LPAR1: variants seen among roughly 807,000 people sequenced by gnomAD.
LPAR1 encodes the protein lysophosphatidic acid receptor 1, also known as LPA receptor 1.
Under a neutral mutation model 23.8 loss-of-function variants are expected in LPAR1, and 5 were observed. The ratio of observed to expected loss-of-function variants is 0.21; its 90% confidence interval spans 0.11 to 0.44. The LOEUF is 0.44. LPAR1 is among the 20% of genes least tolerant of loss of function. The pLI is 0.99. For missense variants in LPAR1, 311 were observed against 482.8 expected (o/e 0.64, Z 3.33); for synonymous variants, 160 against 164.7 (o/e 0.97, Z 0.22).
intron 3 of LPAR1, among the ~76,000 whole-genome samples, chr9:110,972,738 G>A (rs928780337): frequency 6.6e-6 from 1 of 152,216 alleles, no homozygotes; most frequent in East Asian, 1.9e-4. Context: ...CCTGAGGTCA[G>A]GAGTTTGAGA....
At chr9:110,978,654 T>C (rs1280426842) in intron 2 of LPAR1, among the ~76,000 whole-genome samples, 1 of 152,180 alleles carries the variant, frequency 6.6e-6, no homozygotes, top group East Asian at 1.9e-4. Context: ...GAGCTGAAGC[T>C]TGTCTTCTTT....
chr9:111,009,998 AATATATATATATATATAT>A (rs55696642), intron 2 of LPAR1, among the ~76,000 whole-genome samples: 10,670 of 123,298 alleles, frequency 0.087, 877 homozygotes, highest in African/African-American at 0.2. Flanking sequence ...TAATTAGGAA[AATATATATATATATATAT>A]ATATATATAT....
At position 110,985,561 on chromosome 9, in the gene LPAR1, T is replaced by C. The variant is rs1011813391; in HGVS notation, c.-181-12003A>G. Among the ~76,000 whole-genome samples the C allele has an allele frequency of 7.2e-5, 11 of 152,064 alleles. No homozygotes were observed. In the East Asian group the frequency reaches 2.1e-3, roughly 29 times the overall value. ...TTACATGTATTTTATCAGGTCATGA[T>C]GGGCCAGGTCAGGTATTCTAGAAGC... On this transcript the variant is annotated intron_variant, in intron 2 of 5. Coordinates refer to ENST00000683809, the MANE Select transcript of LPAR1 (RefSeq NM_001351411.2).
At chr9:110,973,887 T>G (rs2096489778) in intron 2 of LPAR1, among the ~76,000 whole-genome samples, 1 of 152,224 alleles carries the variant, frequency 6.6e-6, no homozygotes, top group Non-Finnish European at 1.5e-5. Flanking sequence ...AAAGACGTTA[T>G]TGGCTGGGCA....
chr9:110,898,926 A>G (rs1254732886), intron 5 of LPAR1, among the ~76,000 whole-genome samples: 4 of 152,238 alleles, frequency 2.6e-5, no homozygotes, highest in Non-Finnish European at 4.4e-5. Context: ...AAAAAATGAG[A>G]TAATTCCTTG....
In LPAR1 at chr9:111,038,110, G is replaced by A. The variant is rs1222840494; in HGVS notation, c.-262+57C>T. 3 of 151,468 alleles carry A rather than the reference G, an allele frequency of 2.0e-5. No individual in the cohort carries two copies. The highest frequency in any genetic ancestry group is 6.6e-5 in the Admixed American group (1 of 15,220). 9.4% of individuals were successfully genotyped at this position (151,468 alleles called of 1,614,324 possible). A position where few individuals can be genotyped will look rare whatever the true frequency, so the allele number is the denominator to read the frequency against. On this transcript the variant is annotated intron_variant, in intron 1 of 5. Transcript: ENST00000683809. This position sits in a 1 kb window ranked among gnomAD's most constrained non-coding sequence, Gnocchi z 4.4. ...TGTGGCGGGCCGAGCAGTCGCCGCG[G>A]CCTCTGGCTTCGCGCCCAGGGGGCG...
At chr9:110,999,389 C>G (rs2097085763) in intron 2 of LPAR1, 1 of 456,038 alleles carries the variant, frequency 2.2e-6, no homozygotes, top group Admixed American at 2.4e-5. Flanking sequence ...CTCCCCCACC[C>G]TACCTCATTT....
At chr9:110,892,221 T>C in intron 5 of LPAR1, among the ~76,000 whole-genome samples, 1 of 152,146 alleles carries the variant, frequency 6.6e-6, no homozygotes, top group Non-Finnish European at 1.5e-5. Flanking sequence ...AAACTATCAA[T>C]ATATGCAACA....
In LPAR1 at chr9:110,941,323, G is replaced by C; in HGVS notation, c.793+98C>G. The C allele has an allele frequency of 9.1e-7, 1 of 1,103,204 alleles. No individual in the cohort carries two copies. The highest frequency in any genetic ancestry group is 1.3e-6 in the Non-Finnish European group (1 of 770,622). The allele number at this position is 1,103,204 out of a possible 1,614,324, so 68.3% of individuals were successfully genotyped here. ...TGTAATTCCTGGTGAATTACCTGGT[G>C]AATATTCATACTGTTGGTTACCTCT... On this transcript the variant is annotated intron_variant, in intron 5 of 5. Transcript: ENST00000683809. This position sits in a 1 kb window ranked among gnomAD's most constrained non-coding sequence, Gnocchi z 6.1.
intron 2 of LPAR1, among the ~76,000 whole-genome samples, chr9:111,012,843 G>C (rs2140704010): frequency 6.6e-6 from 1 of 152,206 alleles, no homozygotes; most frequent in African/African-American, 2.4e-5. Flanking sequence ...AGAGGAAGAA[G>C]GAAGGAAAAT....
chr9:110,904,385 G>A (rs2134004388), intron 5 of LPAR1, among the ~76,000 whole-genome samples: 1 of 152,284 alleles, frequency 6.6e-6, no homozygotes, highest in Non-Finnish European at 1.5e-5. Context: ...AGGCCCCCAT[G>A]TGTCACTCAA....
chr9:110,961,860 T>C (rs568895922), intron 4 of LPAR1, among the ~76,000 whole-genome samples: 1 of 152,104 alleles, frequency 6.6e-6, no homozygotes, highest in South Asian at 2.1e-4. Context: ...CGTGATTCAA[T>C]TACCTCCCAC....
At chr9:110,888,449 A>T (rs1390394235) in intron 5 of LPAR1, among the ~76,000 whole-genome samples, 3 of 152,160 alleles carry the variant, frequency 2.0e-5, no homozygotes, top group Non-Finnish European at 4.4e-5. Context: ...ATTGAATGTT[A>T]ACAAAGCATT....
In LPAR1 at chr9:110,936,241, A is replaced by G. The variant is rs143045914; in HGVS notation, c.793+5180T>C. 9.6e-3 allele frequency among the ~76,000 whole-genome samples: 1,468 copies of G among 152,358 alleles called. 23 individuals are homozygous for G. Among genetic ancestry groups the G allele is most frequent in the African/African-American group, 0.032 (1,338 of 41,576 alleles). Reference sequence around the variant, plus strand: ...CCTTAGCACACAATTGGCACTCAACAACATGCTTGTTGAAGTAAACTGAAA... The same window carrying G: ...CCTTAGCACACAATTGGCACTCAACGACATGCTTGTTGAAGTAAACTGAAA... On this transcript the variant is annotated intron_variant, in intron 5 of 5. Coordinates refer to ENST00000683809, the MANE Select transcript of LPAR1 (RefSeq NM_001351411.2).
At chr9:111,037,969 G>A (rs2141937431) in intron 1 of LPAR1, 198 bp downstream of exon 1, 1 of 152,178 alleles carries the variant, frequency 6.6e-6, no homozygotes, top group South Asian at 2.1e-4. Context: ...AAGAACGCAC[G>A]GCCACCCACC....
intron 2 of LPAR1, among the ~76,000 whole-genome samples, chr9:110,994,541 G>A (rs954716373): frequency 6.6e-5 from 10 of 152,124 alleles, no homozygotes; most frequent in East Asian, 1.9e-4. Flanking sequence ...AGATGTTAGC[G>A]CATCAGTGTA....
At chr9:111,031,467 C>A (rs2097794365) in intron 2 of LPAR1, among the ~76,000 whole-genome samples, 1 of 150,902 alleles carries the variant, frequency 6.6e-6, no homozygotes, top group Non-Finnish European at 1.5e-5. Flanking sequence ...AAAAAATAGC[C>A]AGGCATAGCG....
chr9:110,899,356 C>T (rs1395436628), intron 5 of LPAR1, among the ~76,000 whole-genome samples: 1 of 152,100 alleles, frequency 6.6e-6, no homozygotes, highest in Non-Finnish European at 1.5e-5. Flanking sequence ...CAAGAATTTT[C>T]AGAAGTTCAT....
rs534798459 is a variant in LPAR1, at chr9:110,925,757, G to A, written c.793+15664C>T. 1.2e-4 allele frequency among the ~76,000 whole-genome samples: 19 copies of A among 152,306 alleles called. 1 individual carries two copies. In the South Asian group the frequency reaches 3.9e-3, roughly 32 times the overall value. On this transcript the variant is annotated intron_variant, in intron 5 of 5. Coordinates refer to ENST00000683809, the MANE Select transcript of LPAR1 (RefSeq NM_001351411.2). ...GAGAACATTACATTCACCGCAGCATGTGCCAGGCAGCATGCTAAGCACTTG... is the reference window on the plus strand; with the variant it reads ...GAGAACATTACATTCACCGCAGCATATGCCAGGCAGCATGCTAAGCACTTG...
Sources: allele counts gnomAD v4.1 joint callset (sites outside exome capture counted in the v4.1 genomes callset), GRCh38; gene constraint gnomAD v4.1.1; non-coding constraint Gnocchi (gnomAD v3.1); transcripts MANE v1.5; gene names NCBI Gene and HGNC (gene_info 2026-07-23, HGNC 2026-07-21).